CSTA: variants seen among roughly 807,000 people sequenced by gnomAD.
CSTA encodes cystatin-A.
CSTA carries 9 observed loss-of-function variants against 9.2 expected under a neutral mutation model. The observed-to-expected ratio is 0.97, with a 90% confidence interval of 0.59 to 1.70. The LOEUF is 1.70. Ranked by LOEUF, CSTA falls within the 40% of genes most tolerant of loss-of-function variation. The pLI, the probability that CSTA is intolerant of heterozygous loss-of-function variation, is 0.00. For missense variants in CSTA, 118 were observed against 113.1 expected (o/e 1.04, Z -0.20); for synonymous variants, 36 against 40.6 (o/e 0.89, Z 0.43).
At chr3:122,328,526 C>T (rs958773193) in intron 1 of CSTA, among the ~76,000 whole-genome samples, 3 of 142,966 alleles carry the variant, frequency 2.1e-5, no homozygotes, top group Admixed American at 1.4e-4. Flanking sequence ...AAAAGAGTCA[C>T]CTAGTTAAGA....
intron 1 of CSTA, among the ~76,000 whole-genome samples, chr3:122,326,490 A>T (rs890960269): frequency 5.9e-5 from 9 of 152,178 alleles, no homozygotes; most frequent in Non-Finnish European, 1.2e-4. Flanking sequence ...TTCTCTCTGA[A>T]ACATCATTCT....
At chr3:122,336,717 T>C (rs1013105962) in intron 1 of CSTA, among the ~76,000 whole-genome samples, 1 of 152,164 alleles carries the variant, frequency 6.6e-6, no homozygotes, top group African/African-American at 2.4e-5. Flanking sequence ...AACTTTACCG[T>C]GGAGAAACCT....
chr3:122,339,128 A>T (rs1391793447), intron 2 of CSTA, among the ~76,000 whole-genome samples: 2 of 152,190 alleles, frequency 1.3e-5, no homozygotes, highest in Admixed American at 1.3e-4. Context: ...ATCAAGAGGT[A>T]GGTGGTAGAA....
chr3:122,334,819 G>A (rs75932939), intron 1 of CSTA, among the ~76,000 whole-genome samples: 1 of 152,146 alleles, frequency 6.6e-6, no homozygotes, highest in East Asian at 1.9e-4. Context: ...CAGAAGCTAA[G>A]CCCATAGAGG....
intron 1 of CSTA, among the ~76,000 whole-genome samples, chr3:122,331,161 C>G (rs1435890263): frequency 6.6e-6 from 1 of 150,444 alleles, no homozygotes; most frequent in African/African-American, 2.5e-5. Flanking sequence ...TAGTCATAAA[C>G]CTAATTGCTG....
intron 1 of CSTA, among the ~76,000 whole-genome samples, chr3:122,328,137 C>G (rs1208293091): frequency 6.6e-6 from 1 of 152,102 alleles, no homozygotes; most frequent in African/African-American, 2.4e-5. Flanking sequence ...CTTCATAACC[C>G]CTGGAGCAGG....
At chr3:122,328,177 T>A (rs1229200218) in intron 1 of CSTA, among the ~76,000 whole-genome samples, 1 of 152,190 alleles carries the variant, frequency 6.6e-6, no homozygotes, top group African/African-American at 2.4e-5. Context: ...ATCTTGCAGA[T>A]GATGAAACCA....
intron 2 of CSTA, 90 bp downstream of exon 2, chr3:122,337,738 C>A: frequency 1.1e-6 from 1 of 930,110 alleles, no homozygotes; most frequent in Non-Finnish European, 1.8e-6. Context: ...ATAATTCCTT[C>A]CTTACGGTTG....
chr3:122,325,449 A>G, intron 1 of CSTA, 91 bp downstream of exon 1: 1 of 1,267,040 alleles, frequency 7.9e-7, no homozygotes, highest in East Asian at 2.3e-5. Flanking sequence ...CATGAAAACC[A>G]GAAGTTTAGG....
intron 1 of CSTA, 52 bp downstream of exon 1, chr3:122,325,410 G>A: frequency 1.3e-6 from 2 of 1,552,102 alleles, no homozygotes; most frequent in Non-Finnish European, 1.8e-6. Flanking sequence ...TGATTCATAA[G>A]TTGTCCCTGT....
chr3:122,341,447 A>C lies in CSTA; in HGVS notation c.177A>C (p.Ala59=), dbSNP rs1335879526. ...TCTTTAATATTTTTCAGGTACGAGCAGGTGATAATAAATATATGCACTTGA... is the reference window on the plus strand; with the variant it reads ...TCTTTAATATTTTTCAGGTACGAGCCGGTGATAATAAATATATGCACTTGA... The part of the protein sequence containing the change: ...AGTNYYIKVR[A]GDNKYMHLKV... Residue 59 remains alanine (A), a synonymous_variant, in exon 3 of 3, where the codon GCA becomes GCC. Coordinates refer to ENST00000264474, the MANE Select transcript of CSTA (RefSeq NM_005213.4). The C allele has an allele frequency of 6.2e-7, 1 of 1,614,052 alleles. No homozygotes were observed. The highest frequency in any genetic ancestry group is 1.3e-5 in the African/African-American group (1 of 75,042).
At chr3:122,329,826 A>G (rs1201161294) in intron 1 of CSTA, among the ~76,000 whole-genome samples, 1 of 152,248 alleles carries the variant, frequency 6.6e-6, no homozygotes, top group Non-Finnish European at 1.5e-5. Flanking sequence ...AAAAGATGTT[A>G]GAGATTGCTG....
At chr3:122,327,528 CA>C (rs59568582) in intron 1 of CSTA, among the ~76,000 whole-genome samples, 1,317 of 44,056 alleles carry the variant, frequency 0.03, 6 homozygotes, top group African/African-American at 0.11. Context: ...GACTCCGTCT[CA>C]AAAAAAAAAA....
chr3:122,337,746 T>C, intron 2 of CSTA, 98 bp downstream of exon 2: 2 of 899,288 alleles, frequency 2.2e-6, no homozygotes, highest in Non-Finnish European at 3.8e-6. Context: ...TTCCTTACGG[T>C]TGTCCTAAAT....
intron 2 of CSTA, 139 bp downstream of exon 2, chr3:122,337,787 G>A: frequency 1.4e-6 from 1 of 733,144 alleles, no homozygotes; most frequent in Non-Finnish European, 2.5e-6. Flanking sequence ...CTTCCAAGTG[G>A]TGGACTCTCA....
intron 1 of CSTA, among the ~76,000 whole-genome samples, chr3:122,333,641 GAAAAGGAAAGGAAAGGAAGA>G (rs1018043163): frequency 6.9e-6 from 1 of 144,910 alleles, no homozygotes; most frequent in Non-Finnish European, 1.5e-5. Flanking sequence ...AGGAAGGAAG[GAAAAGGAAAGGAAAGGAAGA>G]AAAAAGGAAG....
chr3:122,335,948 A>T (rs1351144157), intron 1 of CSTA, among the ~76,000 whole-genome samples: 1 of 131,160 alleles, frequency 7.6e-6, no homozygotes, highest in East Asian at 2.1e-4. Flanking sequence ...TTTGATTTTA[A>T]TCAGAGGAAT....
intron 1 of CSTA, among the ~76,000 whole-genome samples, chr3:122,337,254 T>C (rs2075241468): frequency 6.6e-6 from 1 of 152,224 alleles, no homozygotes; most frequent in Non-Finnish European, 1.5e-5. Flanking sequence ...GCTCCACTGA[T>C]TTTTATTAAT....
At chr3:122,341,003 A>C (rs2075262606) in intron 2 of CSTA, among the ~76,000 whole-genome samples, 1 of 151,190 alleles carries the variant, frequency 6.6e-6, no homozygotes, top group Non-Finnish European at 1.5e-5. Context: ...GTACAGTGGC[A>C]TGATCTCGGC....
Sources: gnomAD v4.1 joint callset for allele counts (sites outside exome capture counted in the v4.1 genomes callset) on GRCh38, gnomAD v4.1.1 for gene constraint, MANE v1.5 for transcripts, NCBI Gene and HGNC (gene_info 2026-07-23, HGNC 2026-07-21) for gene names.